TTYH3: variants seen among roughly 807,000 people sequenced by gnomAD.
The protein encoded by TTYH3 is protein tweety homolog 3.
In TTYH3, 23 loss-of-function variants were observed where a neutral mutation model predicts 68.2. The observed-to-expected ratio is 0.34, with a 90% CI of 0.24 to 0.48. The LOEUF (loss-of-function observed/expected upper bound fraction) is 0.48. TTYH3 is among the 20% of genes least tolerant of loss of function. The pLI is 0.99. For synonymous variants in TTYH3, 360 were observed against 332.8 expected, an observed-to-expected ratio of 1.08 and a Z score of -0.89; for missense variants, 768 against 727.7, an observed-to-expected ratio of 1.06 and a Z score of -0.64.
At chr7:2,637,867 G>A (rs1785721941) in intron 1 of TTYH3, among the ~76,000 whole-genome samples, 2 of 152,190 alleles carry the variant, frequency 1.3e-5, no homozygotes, top group Admixed American at 6.5e-5. Flanking sequence ...CCTGAGTCCT[G>A]TGGGGCAGCA....
intron 1 of TTYH3, among the ~76,000 whole-genome samples, chr7:2,633,519 A>G (rs1242130358): frequency 2.0e-5 from 3 of 152,050 alleles, no homozygotes; most frequent in Non-Finnish European, 1.5e-5. Context: ...CAGACACAGC[A>G]GGGAGGAGGG....
chr7:2,653,545 T>C lies in TTYH3; in HGVS notation c.1020+535T>C, dbSNP rs368277730. Among the ~76,000 whole-genome samples the C allele has an allele frequency of 7.5e-4, 114 of 152,250 alleles. 1 individual carries two copies. Among genetic ancestry groups the C allele is most frequent in the African/African-American group, 2.4e-3 (100 of 41,538 alleles). ...CCCTGTAGTGTTCTGGGCCCGGGCA[T>C]TTCTACATTACAATATGTTAAAAAA... On this transcript the variant is annotated intron_variant, in intron 9 of 13. Coordinates refer to ENST00000258796, the MANE Select transcript of TTYH3 (RefSeq NM_025250.3).
chr7:2,652,802 C>G, intron 8 of TTYH3, 116 bp from the exon 9 acceptor site: 1 of 810,746 alleles, frequency 1.2e-6, no homozygotes, highest in South Asian at 1.7e-5. Flanking sequence ...AGAGCAGAGC[C>G]TTGATGGTCT....
intron 12 of TTYH3, 47 bp downstream of exon 12, chr7:2,658,506 G>T: frequency 6.4e-7 from 1 of 1,564,850 alleles, no homozygotes; most frequent in African/African-American, 1.3e-5. Context: ...GTCAGCTGCG[G>T]CTGAGAGCGC....
intron 11 of TTYH3, 41 bp from the exon 12 acceptor site, chr7:2,658,245 C>T (rs1786389757): frequency 4.7e-6 from 7 of 1,483,818 alleles, no homozygotes; most frequent in Admixed American, 2.3e-5. Flanking sequence ...CAGCTCCTTC[C>T]TGCTGGGGCC....
chr7:2,660,108 C>T (rs1371186188), intron 13 of TTYH3: 3 of 1,247,198 alleles, frequency 2.4e-6, no homozygotes, highest in East Asian at 6.3e-5. Context: ...ACCCTGCACT[C>T]ACTGCCGCCC....
At chr7:2,640,062 C>T (rs147702207) in intron 1 of TTYH3, among the ~76,000 whole-genome samples, 31 of 152,316 alleles carry the variant, frequency 2.0e-4, no homozygotes, top group East Asian at 9.7e-4. Context: ...TGCCTAGCAG[C>T]GTGGCTCCAG....
At chr7:2,652,742 C>T (rs1161708488) in intron 8 of TTYH3, 176 bp from the exon 9 acceptor site, 3 of 603,236 alleles carry the variant, frequency 5.0e-6, no homozygotes, top group South Asian at 4.0e-5. Flanking sequence ...TCTGTGGTCT[C>T]TGGGTGTGTC....
chr7:2,651,955 GAC>G (rs756162607), intron 7 of TTYH3, among the ~76,000 whole-genome samples: 56 of 152,238 alleles, frequency 3.7e-4, no homozygotes, highest in Non-Finnish European at 1.5e-4. Flanking sequence ...TAAACACACA[GAC>G]ACATGCACAC....
At chr7:2,640,696 A>G (rs1490204557) in intron 1 of TTYH3, among the ~76,000 whole-genome samples, 1 of 152,210 alleles carries the variant, frequency 6.6e-6, no homozygotes, top group Non-Finnish European at 1.5e-5. Context: ...ACGTCCAGAC[A>G]GGGCCTGGAG....
intron 11 of TTYH3, among the ~76,000 whole-genome samples, chr7:2,657,574 A>G (rs1583576292): frequency 6.6e-6 from 1 of 152,218 alleles, no homozygotes; most frequent in Non-Finnish European, 1.5e-5. Flanking sequence ...ACAGGGCTAG[A>G]TTCAGATTCT....
intron 13 of TTYH3, chr7:2,660,358 C>G (rs114826999): frequency 1.0e-6 from 1 of 985,314 alleles, no homozygotes; most frequent in African/African-American, 1.7e-5. Flanking sequence ...TCCATGCACC[C>G]AGACCCCTGT....
intron 1 of TTYH3, among the ~76,000 whole-genome samples, chr7:2,633,356 G>A (rs1171675658): frequency 1.3e-5 from 2 of 152,172 alleles, no homozygotes; most frequent in Non-Finnish European, 2.9e-5. Flanking sequence ...GTGGCCTCCC[G>A]CATCCAGAGG....
intron 5 of TTYH3, among the ~76,000 whole-genome samples, chr7:2,649,274 C>A (rs1467390011): frequency 2.0e-5 from 3 of 152,092 alleles, no homozygotes; most frequent in African/African-American, 7.2e-5. Flanking sequence ...GACACTGTTG[C>A]CTGTTCAGGA....
chr7:2,647,169 C>T lies in TTYH3; in HGVS notation c.321C>T (p.Gly107=), dbSNP rs776910893. ...CCGGCATCGCAGTGGGATTCTACGG[C>T]AACGGGGAGACCAGTGATGGCATCC... ...CSAGIAVGFY[G]NGETSDGIHR... is the part of the protein sequence containing the mutation. The change falls in exon 3 of 14, where the codon GGC becomes GGT. Residue 107 remains glycine (G), a synonymous_variant. Coordinates refer to ENST00000258796, the MANE Select transcript of TTYH3 (RefSeq NM_025250.3). 53 of 1,606,560 alleles carry T rather than the reference C, an allele frequency of 3.3e-5. No individual in the cohort carries two copies. Among genetic ancestry groups the T allele is most frequent in the Non-Finnish European group, 4.1e-5 (48 of 1,178,006 alleles).
intron 11 of TTYH3, among the ~76,000 whole-genome samples, chr7:2,657,228 G>A (rs1786358915): frequency 1.3e-5 from 2 of 152,220 alleles, no homozygotes; most frequent in South Asian, 4.1e-4. Context: ...ATGGATGGCA[G>A]GTAGCTCAGC....
intron 13 of TTYH3, among the ~76,000 whole-genome samples, 192 bp from the exon 14 acceptor site, chr7:2,661,476 C>G (rs936772231): frequency 1.3e-5 from 2 of 152,150 alleles, no homozygotes; most frequent in Middle Eastern, 3.2e-3. Flanking sequence ...TCAGCCAGAC[C>G]TAGAGCGCAG....
intron 9 of TTYH3, among the ~76,000 whole-genome samples, chr7:2,655,428 G>A (rs900292603): frequency 6.6e-6 from 1 of 152,224 alleles, no homozygotes; most frequent in Admixed American, 6.5e-5. Context: ...TTACAGGGGT[G>A]AGCCACCGCT....
chr7:2,652,384 G>GTGGA (rs1562716215), intron 8 of TTYH3, 142 bp downstream of exon 8: 1 of 761,380 alleles, frequency 1.3e-6, no homozygotes, highest in African/African-American at 1.7e-5. Flanking sequence ...CAAAGGCTGT[G>GTGGA]TGGATGTCAC....
Sources: allele counts gnomAD v4.1 joint callset (sites outside exome capture counted in the v4.1 genomes callset), GRCh38; gene constraint gnomAD v4.1.1; transcripts MANE v1.5; gene names NCBI Gene and HGNC (gene_info 2026-07-23, HGNC 2026-07-21).